CLK3: variants seen among roughly 807,000 people sequenced by gnomAD.
CLK3 encodes the protein dual specificity protein kinase CLK3.
In CLK3, 24 loss-of-function variants were observed where a neutral mutation model predicts 65.2. That is an observed-to-expected ratio of 0.37 (90% CI 0.27 to 0.52). CLK3 has a LOEUF of 0.52. CLK3 is among the 20% of genes least tolerant of loss of function. The pLI is 0.92. For synonymous variants in CLK3, 252 were observed against 240.8 expected (o/e 1.05, Z -0.43); for missense variants, 506 against 660.0 (o/e 0.77, Z 2.56).
intron 1 of CLK3, among the ~76,000 whole-genome samples, chr15:74,609,581 CT>C (rs2061960949): frequency 6.6e-6 from 1 of 152,258 alleles, no homozygotes; most frequent in African/African-American, 2.4e-5. Flanking sequence ...GGGGCTGCCC[CT>C]GCCAGCTGTC....
chr15:74,619,032 C>A, intron 1 of CLK3, 165 bp from the exon 2 acceptor site: 2 of 729,580 alleles, frequency 2.7e-6, no homozygotes, highest in Admixed American at 2.5e-5. Context: ...TGCTGTTTGA[C>A]CAGTGTGACC....
rs772169718 is a variant in CLK3 at position 74,620,125 on chromosome 15, GTCA to G, written c.272_274del (p.His91del). On this transcript the variant is annotated inframe_deletion, in exon 3 of 13. Coordinates refer to ENST00000395066, the MANE Select transcript of CLK3 (RefSeq NM_001130028.2). ...GACTACTATGGACCTTCACGTTCTC[GTCA>G]TCGTCGGCGATCGCGGGAGAGGGGG... is the stretch of plus-strand genomic sequence containing the variant. The G allele has an allele frequency of 6.2e-7, 1 of 1,614,164 alleles. No individual in the cohort carries two copies. The highest frequency in any genetic ancestry group is 1.7e-5 in the Admixed American group (1 of 60,024).
Position 74,620,238 on chromosome 15 carries a change from C to T in CLK3, c.369+13C>T. The T allele has an allele frequency of 6.2e-7, 1 of 1,613,670 alleles. No individual in the cohort carries two copies. The highest frequency in any genetic ancestry group is 8.5e-7 in the Non-Finnish European group (1 of 1,179,842). On this transcript the variant is annotated intron_variant, in intron 3 of 12. Transcript: ENST00000395066. ...CAGCGCCTCCTCGGTGAGTGGTAGCCAGAGTGTGCTGGCTGGGGCTTAAAG... is the reference window on the plus strand; with the variant it reads ...CAGCGCCTCCTCGGTGAGTGGTAGCTAGAGTGTGCTGGCTGGGGCTTAAAG...
In CLK3 at chr15:74,622,475, A is replaced by C. The variant is rs1336345446; in HGVS notation, c.467-19A>C. 2.5e-6 allele frequency: 4 copies of C among 1,591,646 alleles called. No individual in the cohort carries two copies. Among genetic ancestry groups the C allele is most frequent in the African/African-American group, 1.4e-5 (1 of 73,726 alleles). ...CCCTGCCCTCCAGATTCTCATGCCC[A>C]ATTTCTTTTCTCTCCTAGATGAGAT... On this transcript the variant is annotated intron_variant, in intron 4 of 12. Coordinates refer to ENST00000395066, the MANE Select transcript of CLK3 (RefSeq NM_001130028.2). This position sits in a 1 kb window ranked among gnomAD's most constrained non-coding sequence, Gnocchi z 4.6.
upstream of CLK3, among the ~76,000 whole-genome samples, chr15:74,611,445 T>C (rs1277361628): frequency 6.6e-6 from 1 of 152,212 alleles, no homozygotes; most frequent in Non-Finnish European, 1.5e-5. Flanking sequence ...TCCCAGCTTG[T>C]GCTCCCGCCT....
chr15:74,615,253 G>A (rs938008999), upstream of CLK3: 27 of 432,452 alleles, frequency 6.2e-5, no homozygotes, highest in African/African-American at 5.3e-4. Context: ...CCCCGCCAGA[G>A]TAGCTCTAGG....
Position 74,624,899 on chromosome 15 carries a change from C to T in CLK3, c.534-3C>T, listed in dbSNP as rs747049713. The T allele has an allele frequency of 1.9e-6, 3 of 1,599,492 alleles. No individual in the cohort carries two copies. Among genetic ancestry groups the T allele is most frequent in the Non-Finnish European group, 1.7e-6 (2 of 1,172,096 alleles). ...GAACCTCTGTTTCCTTCCCGGGTAC[C>T]AGAGGGAAGTCTCAGGTTGCCCTGA... On this transcript the variant is annotated splice_region_variant and splice_polypyrimidine_tract_variant and intron_variant, in intron 5 of 12. Coordinates refer to ENST00000395066, the MANE Select transcript of CLK3 (RefSeq NM_001130028.2). This position sits in a 1 kb window ranked among gnomAD's most constrained non-coding sequence, Gnocchi z 4.2.
upstream of CLK3, chr15:74,615,818 CG>C (rs1239512843): frequency 8.0e-7 from 1 of 1,245,898 alleles, no homozygotes; most frequent in African/African-American, 1.5e-5. Flanking sequence ...GGGGCTGCCA[CG>C]GGCGGAGGTC....
At position 74,628,610 on chromosome 15, in the gene CLK3, G is replaced by A. The variant is rs1239433679; in HGVS notation, c.1132G>A (p.Glu378Lys). 1.9e-6 allele frequency: 3 copies of A among 1,613,252 alleles called. No individual in the cohort carries two copies. The highest frequency in any genetic ancestry group is 1.1e-5 in the South Asian group (1 of 91,030). ...TGTCCCTAATCTTCCACAGACCCAC[G>A]AAAACCGAGAGCACCTGGTGATGAT... ...YRGFTLFQTH[E>K]NREHLVMMEK... Residue 378 changes from glutamate to lysine, a missense_variant, in exon 11 of 13, where the codon GAA becomes AAA. Glu to Lys is a moderately conservative substitution (Grantham distance 56). Coordinates refer to ENST00000395066, the MANE Select transcript of CLK3 (RefSeq NM_001130028.2).
Position 74,624,905 on chromosome 15 carries a change from G to C in CLK3, c.537G>C (p.Gly179=), listed in dbSNP as rs770968753. Residue 179 remains glycine, a synonymous_variant, in exon 6 of 13, where the codon GGG becomes GGC. Transcript: ENST00000395066. The surrounding 1 kb of genome is among the most constrained non-coding windows in gnomAD (Gnocchi z 4.2). ...KVVECLDHAR[G]KSQVALKIIR... Reference sequence around the variant, plus strand: ...CTGTTTCCTTCCCGGGTACCAGAGGGAAGTCTCAGGTTGCCCTGAAGATCA... The same window carrying C: ...CTGTTTCCTTCCCGGGTACCAGAGGCAAGTCTCAGGTTGCCCTGAAGATCA... The C allele has an allele frequency of 1.2e-6, 2 of 1,602,806 alleles. No individual in the cohort carries two copies. The highest frequency in any genetic ancestry group is 2.7e-5 in the African/African-American group (2 of 74,916).
upstream of CLK3, among the ~76,000 whole-genome samples, chr15:74,612,181 G>A (rs932125328): frequency 6.6e-6 from 1 of 152,224 alleles, no homozygotes; most frequent in African/African-American, 2.4e-5. Flanking sequence ...AACACTGTCT[G>A]CACCAGAGCC....
At chr15:74,626,415 T>C (rs1210083945) in intron 7 of CLK3, among the ~76,000 whole-genome samples, 1 of 152,186 alleles carries the variant, frequency 6.6e-6, no homozygotes, top group African/African-American at 2.4e-5. Context: ...CTCAGCGCAG[T>C]AGGATTTGCA....
upstream of CLK3, among the ~76,000 whole-genome samples, chr15:74,611,906 C>G (rs1420846340): frequency 1.3e-5 from 2 of 152,248 alleles, no homozygotes; most frequent in Non-Finnish European, 2.9e-5. Flanking sequence ...TGAGCACGCA[C>G]TAAAACCCTT....
rs1354815643 is a variant in CLK3 at position 74,627,621 on chromosome 15, C to G, written c.995C>G (p.Thr332Ser). 8.1e-6 allele frequency: 13 copies of G among 1,614,102 alleles called. No individual in the cohort carries two copies. Among genetic ancestry groups the G allele is most frequent in the Non-Finnish European group, 1.1e-5 (13 of 1,180,030 alleles). The change falls in exon 9 of 13, where the codon ACC (threonine) becomes AGC (serine). Residue 332 changes from threonine to serine, a missense_variant. This residue lies in a region of CLK3 where 325 missense variants were observed against 500.5 expected (regional missense o/e 0.65). Coordinates refer to ENST00000395066, the MANE Select transcript of CLK3 (RefSeq NM_001130028.2). The surrounding 1 kb of genome is among the most constrained non-coding windows in gnomAD (Gnocchi z 4.3). ...GCCACATTTGACCATGAGCACCACACCACCATTGTGGCCACCCGTCACTAT... is the reference window on the plus strand; with the variant it reads ...GCCACATTTGACCATGAGCACCACAGCACCATTGTGGCCACCCGTCACTAT... ...GSATFDHEHH[T>S]TIVATRHYRP...
intron 6 of CLK3, 94 bp downstream of exon 6, chr15:74,625,112 C>G: frequency 1.2e-6 from 1 of 864,772 alleles, no homozygotes; most frequent in Non-Finnish European, 1.9e-6. Context: ...CGCACTGTGC[C>G]TTCTCCCCAC....
At chr15:74,611,544 A>T (rs552531478), upstream of CLK3, among the ~76,000 whole-genome samples, 1 of 152,330 alleles carries the variant, frequency 6.6e-6, no homozygotes, top group African/African-American at 2.4e-5. Flanking sequence ...GCTTTCTGCC[A>T]GCTGCTCCCA....
intron 6 of CLK3, 29 bp downstream of exon 6, chr15:74,625,047 G>C (rs1017977017): frequency 4.6e-4 from 679 of 1,471,222 alleles, no homozygotes; most frequent in Non-Finnish European, 5.8e-4. Flanking sequence ...TGGGAGGGAA[G>C]CCTTCAGTGG....
upstream of CLK3, among the ~76,000 whole-genome samples, chr15:74,610,873 C>T (rs146680154): frequency 7.4e-4 from 113 of 152,348 alleles, 1 homozygote; most frequent in African/African-American, 2.4e-3. Context: ...TGAAGGCTTG[C>T]GTAACTGGGC....
Position 74,615,859 on chromosome 15 carries a change from C to G in CLK3, c.-40C>G. ...CCGGAAGCGGAAGAGGCGCTCGGAGCGGGGAGTGGGGCCTAGCTGCAGCCG... is the reference window on the plus strand; with the variant it reads ...CCGGAAGCGGAAGAGGCGCTCGGAGGGGGGAGTGGGGCCTAGCTGCAGCCG... On this transcript the variant is annotated 5_prime_UTR_variant, in exon 1 of 13. Coordinates refer to ENST00000395066, the MANE Select transcript of CLK3 (RefSeq NM_001130028.2). 2 of 1,255,410 alleles carry G rather than the reference C, an allele frequency of 1.6e-6. No homozygotes were observed. The highest frequency in any genetic ancestry group is 1.0e-6 in the Non-Finnish European group (1 of 999,920). The allele number at this position is 1,255,410 out of a possible 1,614,324, so 77.8% of individuals were successfully genotyped here.
Sources: allele counts gnomAD v4.1 joint callset (sites outside exome capture counted in the v4.1 genomes callset), GRCh38; gene constraint gnomAD v4.1.1; regional missense constraint gnomAD v4.1.1; non-coding constraint Gnocchi (gnomAD v3.1); transcripts MANE v1.5; gene names NCBI Gene and HGNC (gene_info 2026-07-23, HGNC 2026-07-21).